PLK1: variants seen among roughly 807,000 people sequenced by gnomAD.
The protein encoded by PLK1 is serine/threonine-protein kinase PLK1.
PLK1 carries 6 observed loss-of-function variants against 56.7 expected under a neutral mutation model. The ratio of observed to expected loss-of-function variants is 0.11; its 90% CI spans 0.06 to 0.21. The LOEUF is 0.21. Among genes scored for constraint, PLK1 ranks in the 10% least tolerant of loss-of-function variants. PLK1 has a pLI of 1.00. For missense variants in PLK1, 546 were observed against 814.4 expected (o/e 0.67, Z 4.01); for synonymous variants, 298 against 325.0 (o/e 0.92, Z 0.89).
At chr16:23,688,647 G>T in intron 6 of PLK1, 21 bp from the exon 7 acceptor site, 1 of 1,595,304 alleles carries the variant, frequency 6.3e-7, no homozygotes, top group Non-Finnish European at 8.6e-7. Flanking sequence ...CCAACTAACT[G>T]TCTGTCTGTT....
rs115943337 is a variant in PLK1 at position 23,690,121 on chromosome 16, A to G, written c.*58A>G. On this transcript the variant is annotated 3_prime_UTR_variant, in exon 10 of 10. Coordinates refer to ENST00000300093, the MANE Select transcript of PLK1 (RefSeq NM_005030.6). ...TCACTCCCACCTGCATCTGGGGCCC[A>G]TACTGGTTGGCTCCCGCGGTGCCAT... The G allele has an allele frequency of 4.1e-5, 58 of 1,405,966 alleles. No homozygotes were observed. The African/African-American group carries it at 5.2e-4, about 13-fold the overall frequency. The allele number at this position is 1,405,966 out of a possible 1,614,324, so 87.1% of individuals were successfully genotyped here.
chr16:23,683,942 A>G lies in PLK1; in HGVS notation c.889A>G (p.Asn297Asp), dbSNP rs16972799. ...AGATCCCACTGCCCGCCCAACCATT[A>G]ACGAGCTGCTTAATGACGAGTTCTT... is the stretch of plus-strand genomic sequence containing the variant. The part of the protein sequence containing the change: ...QTDPTARPTI[N>D]ELLNDEFFTS... Residue 297 changes from asparagine (N) to aspartate (D), a missense_variant, in exon 5 of 10, where the codon AAC (asparagine) becomes GAC (aspartate). Physicochemically the swap from Asn to Asp is conservative, Grantham distance 23. Coordinates refer to ENST00000300093, the MANE Select transcript of PLK1 (RefSeq NM_005030.6). 518 of 1,614,118 alleles carry G rather than the reference A, an allele frequency of 3.2e-4. 2 individuals carry two copies. The African/African-American group carries it at 6.2e-3, about 19-fold the overall frequency.
chr16:23,679,501 G>T lies in PLK1; in HGVS notation c.408+161G>T, dbSNP rs1208170183. 3.4e-5 allele frequency: 22 copies of T among 643,120 alleles called. No individual in the cohort carries two copies. The Admixed American group carries it at 6.6e-4, about 19-fold the overall frequency. 39.8% of individuals were successfully genotyped at this position (643,120 alleles called of 1,614,324 possible). A position where few individuals can be genotyped will look rare whatever the true frequency, so the allele number is the denominator to read the frequency against. On this transcript the variant is annotated intron_variant, in intron 1 of 9. Transcript: ENST00000300093. Reference sequence around the variant, plus strand: ...CGCTTACGTATGGAAAGTGTCTTTGGTAAGGGCTTCTTGGCTCTGGGAGCT... The same window carrying T: ...CGCTTACGTATGGAAAGTGTCTTTGTTAAGGGCTTCTTGGCTCTGGGAGCT...
rs1279081744 is a variant in PLK1 at position 23,684,237 on chromosome 16, G to A, written c.1036+148G>A. On this transcript the variant is annotated intron_variant, in intron 5 of 9. Coordinates refer to ENST00000300093, the MANE Select transcript of PLK1 (RefSeq NM_005030.6). ...CAATCCGTGGTTCCAATGCCCATCT[G>A]CTTCTCGGCCCTGCCAGGAAAGACT... The A allele has an allele frequency of 7.9e-6, 5 of 635,392 alleles. No homozygotes were observed. The Admixed American group carries it at 1.1e-4, about 14-fold the overall frequency. 39.4% of individuals were successfully genotyped at this position (635,392 alleles called of 1,614,324 possible).
Position 23,689,128 on chromosome 16 carries a change from C to T in PLK1, c.1271-110C>T. The T allele has an allele frequency of 2.1e-6, 2 of 943,842 alleles. No individual in the cohort carries two copies. Among genetic ancestry groups the T allele is most frequent in the Non-Finnish European group, 3.3e-6 (2 of 599,662 alleles). The allele number at this position is 943,842 out of a possible 1,614,324, so 58.5% of individuals were successfully genotyped here. ...CAAACTCCTGGGCTCAAACAATCCT[C>T]CTCCCTCAGCCTCCCAAAGTGCTGG... On this transcript the variant is annotated intron_variant, in intron 7 of 9. Transcript: ENST00000300093. The surrounding 1 kb of genome is among the most constrained non-coding windows in gnomAD (Gnocchi z 4.8).
At chr16:23,688,224 T>G (rs1313893437) in intron 6 of PLK1, among the ~76,000 whole-genome samples, 2 of 152,248 alleles carry the variant, frequency 1.3e-5, no homozygotes. Context: ...TCTTAATTAC[T>G]CCAAACTGGA....
rs563152725 is a variant in PLK1 at position 23,685,549 on chromosome 16, A to G, written c.1036+1460A>G. On this transcript the variant is annotated intron_variant, in intron 5 of 9. Coordinates refer to ENST00000300093, the MANE Select transcript of PLK1 (RefSeq NM_005030.6). Reference sequence around the variant, plus strand: ...TGGCGAAACGCTGTCTCTACTAAAAATACAAAAGACTAGCCGGGCGTGGTG... The same window carrying G: ...TGGCGAAACGCTGTCTCTACTAAAAGTACAAAAGACTAGCCGGGCGTGGTG... Among the ~76,000 whole-genome samples the G allele has an allele frequency of 5.9e-5, 9 of 152,204 alleles. No individual in the cohort carries two copies. In the South Asian group the frequency reaches 1.7e-3, roughly 28 times the overall value.
chr16:23,689,181 GTCCCACTCCCCACT>G lies in PLK1; in HGVS notation c.1271-55_1271-42del, dbSNP rs1202715911. 6 of 1,512,976 alleles carry G rather than the reference GTCCCACTCCCCACT, an allele frequency of 4.0e-6. No homozygotes were observed. The Admixed American group carries it at 1.0e-4, about 26-fold the overall frequency. 93.7% of individuals were successfully genotyped at this position (1,512,976 alleles called of 1,614,324 possible). A position where few individuals can be genotyped will look rare whatever the true frequency, so the allele number is the denominator to read the frequency against. ...TCACAGGCATGTGCCACCACGCCCG[GTCCCACTCCCCACT>G]TTCTATTCCCCCTTTCTGAGACCTC... On this transcript the variant is annotated intron_variant, in intron 7 of 9. Transcript: ENST00000300093. The surrounding 1 kb of genome is among the most constrained non-coding windows in gnomAD (Gnocchi z 4.8).
chr16:23,685,494 C>T (rs1959411725), intron 5 of PLK1, among the ~76,000 whole-genome samples: 2 of 152,098 alleles, frequency 1.3e-5, no homozygotes, highest in South Asian at 4.2e-4. Context: ...ATTGCCCGAG[C>T]TCAGGAGTTC....
At chr16:23,680,821 T>C (rs1959319621) in intron 2 of PLK1, 93 bp from the exon 3 acceptor site, 1 of 1,248,990 alleles carries the variant, frequency 8.0e-7, no homozygotes, top group Non-Finnish European at 1.1e-6. Flanking sequence ...CAGATGGCCC[T>C]GGTTCTGGAT....
At chr16:23,687,784 G>A in intron 6 of PLK1, 160 bp downstream of exon 6, 1 of 444,926 alleles carries the variant, frequency 2.2e-6, no homozygotes, top group Non-Finnish European at 3.8e-6. Flanking sequence ...TGCTTCCGTG[G>A]CTCCTGCCGC....
At chr16:23,684,266 C>A (rs1374085876) in intron 5 of PLK1, among the ~76,000 whole-genome samples, 177 bp downstream of exon 5, 1 of 152,208 alleles carries the variant, frequency 6.6e-6, no homozygotes, top group African/African-American at 2.4e-5. Context: ...AAAGACTGAC[C>A]TTACCATGGC....
intron 5 of PLK1, chr16:23,687,028 T>G (rs1959438446): frequency 1.3e-5 from 2 of 152,732 alleles, no homozygotes; most frequent in Admixed American, 1.3e-4. Flanking sequence ...TTTTTGGTTA[T>G]AAATAAGCAT....
At chr16:23,688,911 T>A (rs1346641167) in intron 7 of PLK1, among the ~76,000 whole-genome samples, 166 bp downstream of exon 7, 1 of 73,274 alleles carries the variant, frequency 1.4e-5, no homozygotes, top group African/African-American at 5.3e-5. Context: ...ACTCCCCAGC[T>A]TTTTTTTTTT....
chr16:23,690,021 G>C lies in PLK1; in HGVS notation c.1770G>C (p.Leu590=). Residue 590 remains leucine (L), a synonymous_variant, in exon 10 of 10, where the codon CTG becomes CTC. Transcript: ENST00000300093. ...ACGCCCGCACTATGGTGGACAAGCT[G>C]CTGAGCTCACGCTCGGCCAGCAACC... is the stretch of plus-strand genomic sequence containing the variant. ...LRYARTMVDK[L]LSSRSASNRL... 6.2e-7 allele frequency: 1 copy of C among 1,612,906 alleles called. No homozygotes were observed. Among genetic ancestry groups the C allele is most frequent in the Non-Finnish European group, 8.5e-7 (1 of 1,180,006 alleles).
At chr16:23,688,058 C>T (rs1206077149) in intron 6 of PLK1, among the ~76,000 whole-genome samples, 2 of 152,186 alleles carry the variant, frequency 1.3e-5, no homozygotes, top group African/African-American at 2.4e-5. Context: ...TGGTGCTTCT[C>T]ATCCTCTTGC....
chr16:23,682,985 CTT>C (rs1031796646), intron 4 of PLK1, among the ~76,000 whole-genome samples: 26 of 91,496 alleles, frequency 2.8e-4, no homozygotes, highest in African/African-American at 4.5e-4. Context: ...TGTGCATTTT[CTT>C]TTTTTTTTTT....
chr16:23,688,198 T>C (rs751501409), intron 6 of PLK1, among the ~76,000 whole-genome samples: 11 of 152,268 alleles, frequency 7.2e-5, no homozygotes, highest in Non-Finnish European at 1.2e-4. Context: ...TGCAACTGGC[T>C]TCTGTCTTCA....
At chr16:23,679,450 G>T (rs1449889683) in intron 1 of PLK1, 110 bp downstream of exon 1, 2 of 1,061,596 alleles carry the variant, frequency 1.9e-6, no homozygotes, top group East Asian at 4.9e-5. Flanking sequence ...ACTTGGAGCT[G>T]CTAGAGAAGG....
Sources: gnomAD v4.1 joint callset for allele counts (sites outside exome capture counted in the v4.1 genomes callset) on GRCh38, gnomAD v4.1.1 for gene constraint, Gnocchi (gnomAD v3.1) non-coding constraint, MANE v1.5 for transcripts, NCBI Gene and HGNC (gene_info 2026-07-23, HGNC 2026-07-21) for gene names.